DOCK10: variants seen among roughly 807,000 people sequenced by gnomAD.
DOCK10 encodes dedicator of cytokinesis 10.
DOCK10 carries 145 observed loss-of-function variants against 280.1 expected under a neutral mutation model. The ratio of observed to expected loss-of-function variants is 0.52; its 90% CI spans 0.45 to 0.59. The LOEUF is 0.59. DOCK10 is among the 20% of genes least tolerant of loss of function. The pLI, the probability that DOCK10 is intolerant of heterozygous loss-of-function variation, is 0.00. For missense variants in DOCK10, 2,368 were observed against 2,651.7 expected (o/e 0.89, Z 2.35); for synonymous variants, 915 against 942.2 (o/e 0.97, Z 0.53).
At position 225,004,509 on chromosome 2, in the gene DOCK10, A is replaced by T. The variant is rs1706519383; in HGVS notation, c.123+37743T>A. Among the ~76,000 whole-genome samples, 3 of 152,236 alleles carry T rather than the reference A, an allele frequency of 2.0e-5. No homozygotes were observed. The South Asian group carries it at 6.2e-4, about 31-fold the overall frequency. On this transcript the variant is annotated intron_variant, in intron 1 of 55. Coordinates refer to ENST00000258390, the MANE Select transcript of DOCK10 (RefSeq NM_014689.3). ...GCCACTTAAGTTATGCTCATTTGTT[A>T]TGGTGGCCCTAGGAAACTAGTGCAT...
At position 224,805,155 on chromosome 2, in the gene DOCK10, C is replaced by T; in HGVS notation, c.4052-31G>A. The T allele has an allele frequency of 1.2e-6, 2 of 1,603,250 alleles. No homozygotes were observed. Among genetic ancestry groups the T allele is most frequent in the Non-Finnish European group, 1.7e-6 (2 of 1,176,608 alleles). On this transcript the variant is annotated intron_variant, in intron 36 of 55. Coordinates refer to ENST00000258390, the MANE Select transcript of DOCK10 (RefSeq NM_014689.3). The surrounding 1 kb of genome is among the most constrained non-coding windows in gnomAD (Gnocchi z 4.3). ...AGGAAACACCAGGTAGTATGAGAAT[C>T]TGAAGGTTTTCTTTTTCCTTTTTTC...
rs549750356 is a variant in DOCK10 at position 225,009,526 on chromosome 2, A to G, written c.123+32726T>C. Among the ~76,000 whole-genome samples the G allele has an allele frequency of 6.6e-5, 10 of 152,298 alleles. No homozygotes were observed. The East Asian group carries it at 1.9e-3, about 29-fold the overall frequency. ...TGTTAATCTCCCTGAGTGTCTCCCT[A>G]CAAATCTCATTTCACCTGGGTGGCT... is the stretch of plus-strand genomic sequence containing the variant. On this transcript the variant is annotated intron_variant, in intron 1 of 55. Coordinates refer to ENST00000258390, the MANE Select transcript of DOCK10 (RefSeq NM_014689.3).
chr2:225,030,584 C>T (rs900766979), intron 1 of DOCK10, among the ~76,000 whole-genome samples: 4 of 152,156 alleles, frequency 2.6e-5, no homozygotes, highest in African/African-American at 7.2e-5. Flanking sequence ...GCTACCCAGG[C>T]GCCCACGAGG....
chr2:224,943,951 G>A (rs1425487300), intron 1 of DOCK10, among the ~76,000 whole-genome samples: 1 of 152,048 alleles, frequency 6.6e-6, no homozygotes, highest in African/African-American at 2.4e-5. Flanking sequence ...TTTTAGTCGA[G>A]ATGGGGTTTC....
chr2:224,834,403 T>A, intron 25 of DOCK10, 140 bp from the exon 26 acceptor site: 1 of 633,598 alleles, frequency 1.6e-6, no homozygotes, highest in Non-Finnish European at 2.8e-6. Flanking sequence ...GGCCCAATGA[T>A]AAGAGCAGTA....
chr2:224,920,011 C>G (rs1575059269), intron 2 of DOCK10, among the ~76,000 whole-genome samples: 1 of 151,994 alleles, frequency 6.6e-6, no homozygotes, highest in South Asian at 2.1e-4. Flanking sequence ...GAACAGGGAG[C>G]CGTTGCTTTG....
chr2:224,956,442 G>A, intron 1 of DOCK10, among the ~76,000 whole-genome samples: 1 of 151,994 alleles, frequency 6.6e-6, no homozygotes, highest in East Asian at 1.9e-4. Context: ...TGGCCAACAT[G>A]GTGAAACTCT....
intron 1 of DOCK10, among the ~76,000 whole-genome samples, chr2:225,023,040 CT>C (rs879839691): frequency 6.2e-4 from 91 of 146,912 alleles, no homozygotes; most frequent in Admixed American, 1.2e-3. Context: ...TACAAGACAA[CT>C]TTTTTTTTTT....
chr2:224,835,963 A>G (rs1047726797), intron 25 of DOCK10, among the ~76,000 whole-genome samples: 12 of 152,190 alleles, frequency 7.9e-5, no homozygotes, highest in Non-Finnish European at 1.2e-4. Context: ...TGCATTTCTA[A>G]TGCATCTCTC....
intron 1 of DOCK10, among the ~76,000 whole-genome samples, chr2:224,989,797 G>A (rs1706079562): frequency 6.6e-6 from 1 of 152,124 alleles, no homozygotes; most frequent in African/African-American, 2.4e-5. Context: ...TTATCAAGTT[G>A]CATCTCTGCC....
intron 31 of DOCK10, among the ~76,000 whole-genome samples, chr2:224,813,194 C>T (rs1457759398): frequency 6.6e-6 from 1 of 152,106 alleles, no homozygotes; most frequent in East Asian, 1.9e-4. Context: ...CTTAAATATA[C>T]AAAATTTTTA....
intron 7 of DOCK10, among the ~76,000 whole-genome samples, chr2:224,877,126 T>C (rs1429692223): frequency 1.3e-5 from 2 of 152,190 alleles, no homozygotes; most frequent in Non-Finnish European, 2.9e-5. Context: ...GTGAGCATGG[T>C]GTGTGCCCCC....
chr2:224,909,844 A>G (rs1700912088), intron 3 of DOCK10, among the ~76,000 whole-genome samples: 1 of 76,354 alleles, frequency 1.3e-5, no homozygotes. Flanking sequence ...TTGTGTGGGG[A>G]ATGTTTAATT....
chr2:224,875,007 T>C (rs184780486), intron 8 of DOCK10, among the ~76,000 whole-genome samples: 6 of 152,342 alleles, frequency 3.9e-5, no homozygotes, highest in Admixed American at 3.9e-4. Flanking sequence ...ATTTTTACAC[T>C]ACATTTATAC....
At chr2:224,913,144 C>G (rs931837678) in intron 3 of DOCK10, among the ~76,000 whole-genome samples, 1 of 152,026 alleles carries the variant, frequency 6.6e-6, no homozygotes, top group Non-Finnish European at 1.5e-5. Flanking sequence ...TAGCCTCACC[C>G]TTATTAATTG....
intron 2 of DOCK10, among the ~76,000 whole-genome samples, chr2:224,930,045 A>G (rs571260287): frequency 6.6e-6 from 1 of 152,098 alleles, no homozygotes; most frequent in South Asian, 2.1e-4. Flanking sequence ...TACTAAAATT[A>G]CAAAAATTAG....
Position 224,800,267 on chromosome 2 carries a change from T to C in DOCK10, c.4394-4A>G, listed in dbSNP as rs57422537. 3.5e-3 allele frequency: 5,487 copies of C among 1,588,378 alleles called. 186 individuals carry two copies. In the African/African-American group the frequency reaches 0.067, roughly 19 times the overall value. Reference sequence around the variant, plus strand: ...ATGTCTATTTCATTGGAGTTGCCTATAAAATACAAAATAAAACATGCGTAA... The same window carrying C: ...ATGTCTATTTCATTGGAGTTGCCTACAAAATACAAAATAAAACATGCGTAA... On this transcript the variant is annotated splice_region_variant and splice_polypyrimidine_tract_variant and intron_variant, in intron 40 of 55. Coordinates refer to ENST00000258390, the MANE Select transcript of DOCK10 (RefSeq NM_014689.3).
chr2:224,935,102 C>T (rs1702612028), intron 1 of DOCK10, among the ~76,000 whole-genome samples: 2 of 152,182 alleles, frequency 1.3e-5, no homozygotes. Context: ...ATGCTTGCTT[C>T]CCATCTACCT....
At chr2:224,928,322 A>T (rs774535148) in intron 2 of DOCK10, among the ~76,000 whole-genome samples, 2 of 152,224 alleles carry the variant, frequency 1.3e-5, no homozygotes, top group Non-Finnish European at 2.9e-5. Context: ...ACTCTGTTGC[A>T]ACCCTGCCTT....
Sources: allele counts gnomAD v4.1 joint callset (sites outside exome capture counted in the v4.1 genomes callset), GRCh38; gene constraint gnomAD v4.1.1; non-coding constraint Gnocchi (gnomAD v3.1); transcripts MANE v1.5; gene names NCBI Gene and HGNC (gene_info 2026-07-23, HGNC 2026-07-21).